The following ZSWIM9 variants were observed in gnomAD, a reference collection of about 807,000 sequenced individuals.
The protein encoded by ZSWIM9 is zinc finger SWIM-type containing 9.
In ZSWIM9, 11 loss-of-function variants were observed where a neutral mutation model predicts 25.0. The ratio of observed to expected loss-of-function variants is 0.44; its 90% CI spans 0.28 to 0.73. ZSWIM9 has a LOEUF of 0.73. Among genes scored for constraint, ZSWIM9 ranks in the 30% least tolerant of loss-of-function variants. The pLI is 0.16. For synonymous variants in ZSWIM9, 562 were observed against 582.1 expected (o/e 0.97, Z 0.50); for missense variants, 1,070 against 1,296.5 (o/e 0.83, Z 2.68).
Position 48,196,769 on chromosome 19 carries a change from C to T in ZSWIM9, c.2705C>T (p.Ala902Val). The T allele has an allele frequency of 8.1e-7, 1 of 1,233,762 alleles. No homozygotes were observed. 76.4% of individuals were successfully genotyped at this position (1,233,762 alleles called of 1,614,324 possible). ...HLFAARLLTG[A>V]ALFHMDLLRD... ...TTTGCAGCGCGCCTCCTCACTGGGG[C>T]TGCCTTATTCCACATGGACCTGCTC... Residue 902 changes from alanine to valine, a missense_variant, in exon 4 of 4, where the codon GCT becomes GTT. This residue lies in a region of ZSWIM9 where 583 missense variants were observed against 624.7 expected (regional missense o/e 0.93). Coordinates refer to ENST00000614654, the MANE Select transcript of ZSWIM9 (RefSeq NM_199341.4).
Position 48,195,355 on chromosome 19 carries a change from G to T in ZSWIM9, c.1291G>T (p.Val431Leu). Residue 431 changes from valine (V) to leucine (L), a missense_variant, in exon 4 of 4, where the codon GTG (valine) becomes TTG (leucine). By Grantham distance (32) the Val-to-Leu change is conservative. Around this residue, in one of 4 missense-constraint regions of ZSWIM9, gnomAD observed 583 missense variants for 624.7 expected, o/e 0.93. Transcript: ENST00000614654. The surrounding 1 kb of genome is among the most constrained non-coding windows in gnomAD (Gnocchi z 5.8). ...RGVAQCLRDLVAMQWADAAGE... is the reference protein window; with the variant it reads ...RGVAQCLRDLLAMQWADAAGE... Reference sequence around the variant, plus strand: ...CGTGGCGCAGTGCCTTCGCGACCTGGTGGCCATGCAGTGGGCCGACGCGGC... The same window carrying T: ...CGTGGCGCAGTGCCTTCGCGACCTGTTGGCCATGCAGTGGGCCGACGCGGC... 1 of 1,525,128 alleles carries T rather than the reference G, an allele frequency of 6.6e-7. No individual in the cohort carries two copies. Among genetic ancestry groups the T allele is most frequent in the South Asian group, 1.2e-5 (1 of 83,070 alleles). 94.5% of individuals were successfully genotyped at this position (1,525,128 alleles called of 1,614,324 possible). A position where few individuals can be genotyped will look rare whatever the true frequency, so the allele number is the denominator to read the frequency against.
At chr19:48,176,124 T>TGAA (rs2036890998) in intron 2 of ZSWIM9, among the ~76,000 whole-genome samples, 1 of 152,144 alleles carries the variant, frequency 6.6e-6, no homozygotes, top group Non-Finnish European at 1.5e-5. Context: ...GAGAATCACT[T>TGAA]GAACCCAGGA....
At chr19:48,181,742 T>C (rs74921263) in intron 2 of ZSWIM9, 114 of 152,356 alleles carry the variant, frequency 7.5e-4, no homozygotes, top group African/African-American at 2.6e-3. Flanking sequence ...CAACACTTGA[T>C]GTTATCAGTC....
intron 2 of ZSWIM9, among the ~76,000 whole-genome samples, chr19:48,173,706 C>T (rs1232174412): frequency 6.6e-6 from 1 of 152,124 alleles, no homozygotes; most frequent in Non-Finnish European, 1.5e-5. Context: ...GCACAATCTC[C>T]ACTCACTGCA....
intron 3 of ZSWIM9, among the ~76,000 whole-genome samples, chr19:48,183,657 T>G (rs1264897933): frequency 1.1e-4 from 15 of 142,774 alleles, no homozygotes; most frequent in Non-Finnish European, 2.3e-4. Context: ...TTTTTTTTTT[T>G]GAGACAGGAT....
intron 2 of ZSWIM9, among the ~76,000 whole-genome samples, chr19:48,176,529 C>T (rs1200759549): frequency 6.6e-6 from 1 of 152,074 alleles, no homozygotes; most frequent in East Asian, 1.9e-4. Context: ...ATTTTAATTA[C>T]CACCCTCCCG....
At position 48,187,589 on chromosome 19, in the gene ZSWIM9, AT is replaced by A. The variant is rs2037044404; in HGVS notation, c.588+4823del. On this transcript the variant is annotated intron_variant, in intron 3 of 3. Transcript: ENST00000614654. ...TAATATTATATATATTATATATTAT[AT>A]AATATAATATTATATATTATATTAA... 3 of 67,722 alleles carry A rather than the reference AT, an allele frequency of 4.4e-5. 1 individual carries two copies. The South Asian group carries it at 1.2e-3, about 28-fold the overall frequency. The allele number at this position is 67,722 out of a possible 1,614,324, so 4.2% of individuals were successfully genotyped here.
rs1027272524 is a variant in ZSWIM9 at position 48,195,522 on chromosome 19, T to G, written c.1458T>G (p.Ile486Met). Residue 486 changes from isoleucine (I) to methionine (M), a missense_variant, in exon 4 of 4, where the codon ATT (isoleucine) becomes ATG (methionine). Around this residue, in one of 4 missense-constraint regions of ZSWIM9, gnomAD observed 583 missense variants for 624.7 expected, o/e 0.93. Coordinates refer to ENST00000614654, the MANE Select transcript of ZSWIM9 (RefSeq NM_199341.4). This position sits in a 1 kb window ranked among gnomAD's most constrained non-coding sequence, Gnocchi z 5.8. ...GAGGGGCTCCGAAAGAAGGAAGTAT[T>G]TGGAGGGGAGCCCAGATGGAGAAGG... is the stretch of plus-strand genomic sequence containing the variant. ...DWGGAPKEGS[I>M]WRGAQMEKEW... is the part of the protein sequence containing the mutation. 7 of 1,411,510 alleles carry G rather than the reference T, an allele frequency of 5.0e-6. No individual in the cohort carries two copies. Among genetic ancestry groups the G allele is most frequent in the Non-Finnish European group, 6.4e-6 (7 of 1,089,740 alleles). 87.4% of individuals were successfully genotyped at this position (1,411,510 alleles called of 1,614,324 possible). A position where few individuals can be genotyped will look rare whatever the true frequency, so the allele number is the denominator to read the frequency against.
chr19:48,186,891 C>A (rs1425667344), intron 3 of ZSWIM9: 1 of 152,264 alleles, frequency 6.6e-6, no homozygotes, highest in Non-Finnish European at 1.5e-5. Flanking sequence ...GCCAGCGGCC[C>A]CTTTCTGTTT....
chr19:48,197,058 A>G lies in ZSWIM9; in HGVS notation c.*231A>G, dbSNP rs1403607389. ...GGGAAGGTGTTGATGGGCAGGGTGG[A>G]TTCTGAGGGCTTCCCTCTGGAGAGG... On this transcript the variant is annotated 3_prime_UTR_variant, in exon 4 of 4. Coordinates refer to ENST00000614654, the MANE Select transcript of ZSWIM9 (RefSeq NM_199341.4). 2 of 548,630 alleles carry G rather than the reference A, an allele frequency of 3.6e-6. No homozygotes were observed. Among genetic ancestry groups the G allele is most frequent in the Non-Finnish European group, 6.4e-6 (2 of 310,752 alleles). 34.0% of individuals were successfully genotyped at this position (548,630 alleles called of 1,614,324 possible).
intron 2 of ZSWIM9, among the ~76,000 whole-genome samples, chr19:48,174,075 T>C (rs1225709076): frequency 6.6e-6 from 1 of 151,910 alleles, no homozygotes; most frequent in Admixed American, 6.6e-5. Context: ...CCCCAAACCC[T>C]GCCACTCTCT....
At chr19:48,186,397 C>G (rs1330575165) in intron 3 of ZSWIM9, among the ~76,000 whole-genome samples, 1 of 152,008 alleles carries the variant, frequency 6.6e-6, no homozygotes, top group South Asian at 2.1e-4. Flanking sequence ...ACCTCCTGGG[C>G]TCAAGTGATT....
chr19:48,196,051 T>C lies in ZSWIM9; in HGVS notation c.1987T>C (p.Leu663=). 7.9e-7 allele frequency: 1 copy of C among 1,258,026 alleles called. No homozygotes were observed. The highest frequency in any genetic ancestry group is 3.4e-5 in the South Asian group (1 of 29,792). 77.9% of individuals were successfully genotyped at this position (1,258,026 alleles called of 1,614,324 possible). A position where few individuals can be genotyped will look rare whatever the true frequency, so the allele number is the denominator to read the frequency against. The change falls in exon 4 of 4, where the codon TTG becomes CTG. Residue 663 remains leucine, a synonymous_variant. Coordinates refer to ENST00000614654, the MANE Select transcript of ZSWIM9 (RefSeq NM_199341.4). ...EKGRGLEVRN[L]RGIPLEKSLE... ...GGGGAGGGGGCTGGAGGTCAGAAAC[T>C]TGAGGGGGATCCCCTTGGAGAAGTC...
Position 48,195,425 on chromosome 19 carries a change from T to A in ZSWIM9, c.1361T>A (p.Leu454Gln). 2 of 1,447,454 alleles carry A rather than the reference T, an allele frequency of 1.4e-6. No individual in the cohort carries two copies. 89.7% of individuals were successfully genotyped at this position (1,447,454 alleles called of 1,614,324 possible). The change falls in exon 4 of 4, where the codon CTG (leucine) becomes CAG (glutamine). Residue 454 changes from leucine to glutamine, a missense_variant. Leu to Gln is a moderately radical substitution (Grantham distance 113, BLOSUM62 -2). This residue lies in a region of ZSWIM9 where 583 missense variants were observed against 624.7 expected (regional missense o/e 0.93). Coordinates refer to ENST00000614654, the MANE Select transcript of ZSWIM9 (RefSeq NM_199341.4). This position sits in a 1 kb window ranked among gnomAD's most constrained non-coding sequence, Gnocchi z 5.8. ...PEGPDGGGPW[L>Q]EDEPGRGAQG... is the part of the protein sequence containing the mutation. The stretch of plus-strand genomic sequence containing the variant: ...GGGCCCGATGGCGGGGGGCCTTGGC[T>A]GGAGGATGAGCCAGGGAGGGGAGCC...
At chr19:48,171,496 T>G in intron 1 of ZSWIM9, 1 of 649,922 alleles carries the variant, frequency 1.5e-6, no homozygotes, top group Non-Finnish European at 1.9e-6. Context: ...GGTCGTATTT[T>G]GGGAGGAGAG....
chr19:48,185,227 C>T (rs142144229), intron 3 of ZSWIM9, among the ~76,000 whole-genome samples: 2,646 of 151,994 alleles, frequency 0.017, 86 homozygotes, highest in African/African-American at 0.061. Flanking sequence ...GCAACCTCCG[C>T]CTCCCGGGTT....
chr19:48,187,945 TAGA>T (rs1355126058), intron 3 of ZSWIM9, among the ~76,000 whole-genome samples: 5 of 135,628 alleles, frequency 3.7e-5, no homozygotes, highest in African/African-American at 1.6e-4. Context: ...TTTAAATAGA[TAGA>T]TAGATAGATA....
intron 2 of ZSWIM9, among the ~76,000 whole-genome samples, chr19:48,179,293 C>T (rs974244466): frequency 3.3e-5 from 5 of 151,998 alleles, no homozygotes; most frequent in African/African-American, 1.2e-4. Context: ...CCCAGAATAG[C>T]TAGGACTATG....
chr19:48,178,178 G>A (rs1019338701), intron 2 of ZSWIM9, among the ~76,000 whole-genome samples: 2 of 152,248 alleles, frequency 1.3e-5, no homozygotes, highest in Non-Finnish European at 1.5e-5. Flanking sequence ...GATTATAGGC[G>A]TGAGCCACCG....
Sources: allele counts gnomAD v4.1 joint callset (sites outside exome capture counted in the v4.1 genomes callset), GRCh38; gene constraint gnomAD v4.1.1; regional missense constraint gnomAD v4.1.1; non-coding constraint Gnocchi (gnomAD v3.1); transcripts MANE v1.5; gene names NCBI Gene and HGNC (gene_info 2026-07-23, HGNC 2026-07-21).